GABRB2: variants seen among roughly 807,000 people sequenced by gnomAD.
GABRB2 encodes gamma-aminobutyric acid type A receptor subunit beta2.
Under a neutral mutation model 54.7 loss-of-function variants are expected in GABRB2, and 16 were observed. The ratio of observed to expected loss-of-function variants is 0.29; its 90% CI spans 0.20 to 0.44. GABRB2 has a LOEUF of 0.44. GABRB2 is among the 20% of genes least tolerant of loss of function. The probability of loss-of-function intolerance (pLI) is 1.00; values close to 1 mark genes in which losing one functional copy is unlikely to be tolerated. For missense variants in GABRB2, 355 were observed against 644.0 expected, an observed-to-expected ratio of 0.55 and a Z score of 4.86; for synonymous variants, 244 against 233.8, an observed-to-expected ratio of 1.04 and a Z score of -0.40.
rs530156657 is a variant in GABRB2, at chr5:161,519,618, A to T, written c.237+25609T>A. On this transcript the variant is annotated intron_variant, in intron 3 of 9. Transcript: ENST00000393959. ...TTGTAAATCTCATCAAAAATTGAGG[A>T]TTAATTAAAGCATAAAAACTATCAA... Among the ~76,000 whole-genome samples, 123 of 152,300 alleles carry T rather than the reference A, an allele frequency of 8.1e-4. 1 individual carries two copies. Among genetic ancestry groups the T allele is most frequent in the Non-Finnish European group, 3.2e-4 (22 of 68,010 alleles).
chr5:161,384,727 A>G (rs1755571171), intron 5 of GABRB2, among the ~76,000 whole-genome samples: 1 of 152,174 alleles, frequency 6.6e-6, no homozygotes, highest in African/African-American at 2.4e-5. Flanking sequence ...TAATTTAACA[A>G]CAAATGTGAG....
chr5:161,366,517 G>A (rs1162598255), intron 5 of GABRB2, among the ~76,000 whole-genome samples: 1 of 152,088 alleles, frequency 6.6e-6, no homozygotes. Flanking sequence ...CTATCCAAAT[G>A]CCAGTCAATC....
intron 3 of GABRB2, among the ~76,000 whole-genome samples, chr5:161,505,767 C>T (rs960575518): frequency 3.3e-5 from 5 of 152,034 alleles, no homozygotes; most frequent in Non-Finnish European, 7.4e-5. Flanking sequence ...AGAAACTCTG[C>T]AGCAATTATA....
intron 3 of GABRB2, among the ~76,000 whole-genome samples, chr5:161,463,704 A>G (rs945122732): frequency 3.3e-5 from 5 of 149,362 alleles, no homozygotes; most frequent in African/African-American, 4.9e-5. Context: ...ACTTACTAAT[A>G]CTACCACTGT....
chr5:161,443,088 G>A (rs1376217416), intron 4 of GABRB2, among the ~76,000 whole-genome samples: 1 of 152,012 alleles, frequency 6.6e-6, no homozygotes, highest in East Asian at 1.9e-4. Flanking sequence ...ATAGCACCTA[G>A]AATACAGAAT....
At chr5:161,311,876 A>G (rs1158141868) in intron 9 of GABRB2, among the ~76,000 whole-genome samples, 1 of 152,218 alleles carries the variant, frequency 6.6e-6, no homozygotes, top group Non-Finnish European at 1.5e-5. Context: ...AGATCCCTTA[A>G]AGTTATAAAA....
chr5:161,406,220 C>T (rs1391033963), intron 5 of GABRB2, among the ~76,000 whole-genome samples: 1 of 151,930 alleles, frequency 6.6e-6, no homozygotes, highest in African/African-American at 2.4e-5. Flanking sequence ...TTTAAAATAC[C>T]CATCTTTGGA....
chr5:161,522,539 T>C (rs1436945073), intron 3 of GABRB2, among the ~76,000 whole-genome samples: 1 of 151,798 alleles, frequency 6.6e-6, no homozygotes, highest in Non-Finnish European at 1.5e-5. Context: ...TGTTTTTTTC[T>C]ACTTCTTTCC....
chr5:161,312,181 C>A (rs1218681229), intron 9 of GABRB2, among the ~76,000 whole-genome samples: 1 of 152,152 alleles, frequency 6.6e-6, no homozygotes, highest in Non-Finnish European at 1.5e-5. Context: ...GGCTTCTGTG[C>A]ATTTGGCCAA....
chr5:161,463,943 ATTTAATTCCAGATATGTCATCGAC>A (rs1758204275), intron 3 of GABRB2, among the ~76,000 whole-genome samples: 1 of 152,000 alleles, frequency 6.6e-6, no homozygotes, highest in South Asian at 2.1e-4. Flanking sequence ...TGTATATAAA[ATTTAATTCCAGATATGTCATCGAC>A]TTAAGTGTAA....
intron 4 of GABRB2, among the ~76,000 whole-genome samples, chr5:161,424,296 T>G (rs561720829): frequency 3.9e-5 from 6 of 152,238 alleles, no homozygotes; most frequent in African/African-American, 1.4e-4. Context: ...TATCTAGGAC[T>G]TTCATAGCTA....
At chr5:161,479,488 A>G (rs760558401) in intron 3 of GABRB2, among the ~76,000 whole-genome samples, 2 of 152,108 alleles carry the variant, frequency 1.3e-5, no homozygotes, top group African/African-American at 2.4e-5. Context: ...ATTTTCATTG[A>G]CATAAAATCA....
At chr5:161,460,053 T>A (rs534658844) in intron 3 of GABRB2, among the ~76,000 whole-genome samples, 2 of 152,334 alleles carry the variant, frequency 1.3e-5, no homozygotes, top group African/African-American at 4.8e-5. Context: ...CAAGCAATTC[T>A]CCTGCCTCAG....
At chr5:161,303,805 G>A (rs975022377) in intron 9 of GABRB2, among the ~76,000 whole-genome samples, 14 of 152,078 alleles carry the variant, frequency 9.2e-5, no homozygotes, top group South Asian at 4.2e-4. Flanking sequence ...AGAGATGAGC[G>A]CAGGTTCTAA....
At chr5:161,329,237 A>G (rs1226059040) in intron 8 of GABRB2, among the ~76,000 whole-genome samples, 1 of 152,132 alleles carries the variant, frequency 6.6e-6, no homozygotes, top group African/African-American at 2.4e-5. Context: ...AGATAGCATT[A>G]TTTGTTTGTT....
chr5:161,420,440 T>C (rs1351588131), intron 4 of GABRB2, among the ~76,000 whole-genome samples: 1 of 152,236 alleles, frequency 6.6e-6, no homozygotes, highest in African/African-American at 2.4e-5. Flanking sequence ...TGTGTATCCC[T>C]AAAGAGTAGA....
At chr5:161,308,045 TAGAGATGGGGTTTC>T (rs541041638) in intron 9 of GABRB2, among the ~76,000 whole-genome samples, 2,118 of 151,964 alleles carry the variant, frequency 0.014, 25 homozygotes, top group Non-Finnish European at 0.022. Context: ...GTATTTTTAG[TAGAGATGGGGTTTC>T]ACCATGTTGG....
intron 3 of GABRB2, among the ~76,000 whole-genome samples, chr5:161,530,370 G>T (rs1388292022): frequency 6.6e-6 from 1 of 152,076 alleles, no homozygotes; most frequent in African/African-American, 2.4e-5. Flanking sequence ...TATCAGAGCT[G>T]GTGGTAAAAT....
intron 3 of GABRB2, among the ~76,000 whole-genome samples, chr5:161,536,165 T>G (rs1373967772): frequency 1.3e-5 from 2 of 152,180 alleles, no homozygotes; most frequent in Non-Finnish European, 2.9e-5. Context: ...CAACACTAAA[T>G]GGACTAAGAC....
Sources: allele counts gnomAD v4.1 joint callset (sites outside exome capture counted in the v4.1 genomes callset), GRCh38; gene constraint gnomAD v4.1.1; transcripts MANE v1.5; gene names NCBI Gene and HGNC (gene_info 2026-07-23, HGNC 2026-07-21).